The following ST8SIA6 variants were observed in gnomAD, a reference collection of about 807,000 sequenced individuals.
ST8SIA6 encodes the protein alpha-2,8-sialyltransferase 8F.
In ST8SIA6, 39 loss-of-function variants were observed where a neutral mutation model predicts 33.6. The observed-to-expected ratio is 1.16, with a 90% CI of 0.90 to 1.52. The LOEUF (loss-of-function observed/expected upper bound fraction) is 1.52, where lower values mean the gene tolerates loss of function less well. Among genes scored for constraint, ST8SIA6 ranks in the 40% most tolerant of loss-of-function variants. The probability of loss-of-function intolerance (pLI) is 0.00; values close to 1 mark genes in which losing one functional copy is unlikely to be tolerated. For missense variants in ST8SIA6, 441 were observed against 443.8 expected, an observed-to-expected ratio of 0.99 and a Z score of 0.06; for synonymous variants, 172 against 167.2, an observed-to-expected ratio of 1.03 and a Z score of -0.22.
At chr10:17,410,571 T>G (rs553678413) in intron 2 of ST8SIA6, 1 of 152,364 alleles carries the variant, frequency 6.6e-6, no homozygotes, top group African/African-American at 2.4e-5. Context: ...CATGTCTGTC[T>G]CTGGTATGAC....
chr10:17,412,115 C>T (rs1851471823), intron 2 of ST8SIA6, among the ~76,000 whole-genome samples: 1 of 152,070 alleles, frequency 6.6e-6, no homozygotes, highest in Non-Finnish European at 1.5e-5. Context: ...AGAGATTTGC[C>T]ATTCTCAGCT....
chr10:17,388,866 T>C (rs1050631348), intron 3 of ST8SIA6, among the ~76,000 whole-genome samples: 1 of 152,176 alleles, frequency 6.6e-6, no homozygotes, highest in African/African-American at 2.4e-5. Flanking sequence ...TTTGCAGGAC[T>C]AACAAATTAG....
At chr10:17,450,712 G>A (rs1007111787) in intron 2 of ST8SIA6, among the ~76,000 whole-genome samples, 3 of 152,200 alleles carry the variant, frequency 2.0e-5, no homozygotes, top group Non-Finnish European at 2.9e-5. Context: ...AAAGTGCTGG[G>A]ATTACAGGCT....
chr10:17,428,223 C>T (rs1174622666), intron 2 of ST8SIA6, among the ~76,000 whole-genome samples: 1 of 152,130 alleles, frequency 6.6e-6, no homozygotes, highest in East Asian at 1.9e-4. Context: ...TAATATGTGC[C>T]AAGCACCCAG....
At chr10:17,440,021 C>A (rs536802143) in intron 2 of ST8SIA6, among the ~76,000 whole-genome samples, 1 of 152,200 alleles carries the variant, frequency 6.6e-6, no homozygotes, top group Non-Finnish European at 1.5e-5. Flanking sequence ...AAATCAGATG[C>A]CAGCTCTGGC....
At chr10:17,377,943 G>A (rs554989632) in intron 3 of ST8SIA6, among the ~76,000 whole-genome samples, 2 of 152,192 alleles carry the variant, frequency 1.3e-5, no homozygotes, top group African/African-American at 4.8e-5. Context: ...CAATACAACC[G>A]AAAAATTAGT....
At position 17,348,221 on chromosome 10, in the gene ST8SIA6, CT is replaced by C. The variant is rs202024746; in HGVS notation, c.377+11292del. On this transcript the variant is annotated intron_variant, in intron 4 of 7. Transcript: ENST00000377602. ...GGAAGGAAAAGGGAAGAGTAGGAACCTTTTTTTTTTTTTTTTTGCAGACTTT... is the reference window on the plus strand; with the variant it reads ...GGAAGGAAAAGGGAAGAGTAGGAACCTTTTTTTTTTTTTTTTGCAGACTTT... 6.2e-3 allele frequency among the ~76,000 whole-genome samples: 820 copies of C among 131,792 alleles called. 4 individuals are homozygous for C. Among genetic ancestry groups the C allele is most frequent in the East Asian group, 0.019 (85 of 4,426 alleles). The allele number at this position is 131,792 out of a possible 152,430, so 86.5% of individuals were successfully genotyped here.
chr10:17,333,133 C>T (rs1848354326), intron 4 of ST8SIA6, among the ~76,000 whole-genome samples: 1 of 152,128 alleles, frequency 6.6e-6, no homozygotes, highest in African/African-American at 2.4e-5. Flanking sequence ...TGACTGAACT[C>T]CCATTCACAA....
At chr10:17,405,851 C>T (rs1173348190) in intron 2 of ST8SIA6, among the ~76,000 whole-genome samples, 1 of 148,930 alleles carries the variant, frequency 6.7e-6, no homozygotes, top group Non-Finnish European at 1.5e-5. Flanking sequence ...CATCATTGCA[C>T]TCCAGCCTGG....
chr10:17,326,972 A>G, intron 6 of ST8SIA6, 42 bp downstream of exon 6: 2 of 1,388,664 alleles, frequency 1.4e-6, no homozygotes, highest in African/African-American at 1.5e-5. Flanking sequence ...GAAATACCCA[A>G]CTGATCTATT....
At chr10:17,346,991 G>A (rs1848860919) in intron 4 of ST8SIA6, among the ~76,000 whole-genome samples, 1 of 152,186 alleles carries the variant, frequency 6.6e-6, no homozygotes, top group African/African-American at 2.4e-5. Flanking sequence ...AGTTGATTCT[G>A]CAATCTTGAA....
chr10:17,427,566 G>A lies in ST8SIA6; in HGVS notation c.200+25993C>T, dbSNP rs540569750. Among the ~76,000 whole-genome samples, 3 of 152,346 alleles carry A rather than the reference G, an allele frequency of 2.0e-5. No individual in the cohort carries two copies. The South Asian group carries it at 6.2e-4, about 32-fold the overall frequency. The stretch of plus-strand genomic sequence containing the variant: ...AACAATCAGCAGCTTTGTCTTTGCT[G>A]CCTCACAGTTACAGAGGAGAAGGTG... On this transcript the variant is annotated intron_variant, in intron 2 of 7. Coordinates refer to ENST00000377602, the MANE Select transcript of ST8SIA6 (RefSeq NM_001004470.3).
chr10:17,435,962 C>G (rs902797429), intron 2 of ST8SIA6, among the ~76,000 whole-genome samples: 1 of 152,128 alleles, frequency 6.6e-6, no homozygotes, highest in Non-Finnish European at 1.5e-5. Flanking sequence ...TAGGGACCAG[C>G]GGAGGGAAAG....
chr10:17,431,199 A>C (rs1477801202), intron 2 of ST8SIA6, among the ~76,000 whole-genome samples: 1 of 152,202 alleles, frequency 6.6e-6, no homozygotes, highest in Non-Finnish European at 1.5e-5. Flanking sequence ...CCTTTGGCCG[A>C]CATGAGGATG....
Position 17,377,391 on chromosome 10 carries a change from C to CA in ST8SIA6, c.290+13139dup, listed in dbSNP as rs1849954892. Among the ~76,000 whole-genome samples, 4 of 152,156 alleles carry CA rather than the reference C, an allele frequency of 2.6e-5. No homozygotes were observed. The South Asian group carries it at 8.3e-4, about 32-fold the overall frequency. ...CTGTTTGGTGGTCTCTTCACATGGA[C>CA]ACGCCTAACAGAGATGGTATAAAAA... On this transcript the variant is annotated intron_variant, in intron 3 of 7. Transcript: ENST00000377602.
chr10:17,430,403 G>C (rs1286540343), intron 2 of ST8SIA6, among the ~76,000 whole-genome samples: 1 of 152,178 alleles, frequency 6.6e-6, no homozygotes, highest in African/African-American at 2.4e-5. Context: ...CCTTTGGCTA[G>C]ATACCTGATA....
At chr10:17,332,839 T>C (rs1189441651) in intron 4 of ST8SIA6, among the ~76,000 whole-genome samples, 3 of 152,218 alleles carry the variant, frequency 2.0e-5, no homozygotes, top group African/African-American at 7.2e-5. Context: ...TTTTCATGTT[T>C]GTTGGCTGCA....
chr10:17,338,306 T>C (rs1296485613), intron 4 of ST8SIA6, among the ~76,000 whole-genome samples: 2 of 152,208 alleles, frequency 1.3e-5, no homozygotes, highest in African/African-American at 4.8e-5. Context: ...GTGTTGGGAT[T>C]ACAGGCGTGA....
intron 4 of ST8SIA6, among the ~76,000 whole-genome samples, chr10:17,358,719 AAG>A (rs1308582145): frequency 6.9e-5 from 9 of 130,650 alleles, no homozygotes; most frequent in Non-Finnish European, 1.3e-4. Flanking sequence ...GGAAAGAAGA[AAG>A]AAGAAGAGGA....
Sources: allele counts gnomAD v4.1 joint callset (sites outside exome capture counted in the v4.1 genomes callset), GRCh38; gene constraint gnomAD v4.1.1; transcripts MANE v1.5; gene names NCBI Gene and HGNC (gene_info 2026-07-23, HGNC 2026-07-21).